The following LMAN2L variants were observed in gnomAD, a reference collection of about 807,000 sequenced individuals.
The protein encoded by LMAN2L is VIP36-like protein.
In LMAN2L, 30 loss-of-function variants were observed where a neutral mutation model predicts 44.3. The observed-to-expected ratio is 0.68, with a 90% CI of 0.51 to 0.92. The LOEUF (loss-of-function observed/expected upper bound fraction) is 0.92, where lower values mean the gene tolerates loss of function less well. Ranked by LOEUF, LMAN2L falls within the 40% of genes least tolerant of loss-of-function variation. The probability of loss-of-function intolerance (pLI) is 0.00; values close to 1 mark genes in which losing one functional copy is unlikely to be tolerated. For missense variants in LMAN2L, 429 were observed against 446.1 expected, an observed-to-expected ratio of 0.96 and a Z score of 0.35; for synonymous variants, 183 against 171.1, an observed-to-expected ratio of 1.07 and a Z score of -0.54.
At chr2:96,711,424 C>CAA (rs993777335) in intron 6 of LMAN2L, among the ~76,000 whole-genome samples, 1 of 152,334 alleles carries the variant, frequency 6.6e-6, no homozygotes, top group Middle Eastern at 3.4e-3. Flanking sequence ...AATGAAGGGA[C>CAA]AAACACTGCT....
rs1186258831 is a variant in LMAN2L at position 96,706,322 on chromosome 2, CG to C, written c.*933del. 3.3e-5 allele frequency: 5 copies of C among 152,224 alleles called. No homozygotes were observed. Among genetic ancestry groups the C allele is most frequent in the Non-Finnish European group, 7.3e-5 (5 of 68,040 alleles). The allele number at this position is 152,224 out of a possible 1,614,324, so 9.4% of individuals were successfully genotyped here. ...GCACTCAAAGTGGGATTCCAAAAAT[CG>C]TAACTACAAAACATGCAGCTAAGCA... On this transcript the variant is annotated 3_prime_UTR_variant, in exon 8 of 8. Transcript: ENST00000264963.
intron 6 of LMAN2L, among the ~76,000 whole-genome samples, chr2:96,708,163 G>C (rs1325265086): frequency 1.3e-5 from 2 of 152,222 alleles, no homozygotes; most frequent in Non-Finnish European, 2.9e-5. Context: ...TTTGAGTTTT[G>C]ATCTTTTCCC....
intron 4 of LMAN2L, among the ~76,000 whole-genome samples, chr2:96,720,829 C>T (rs1351540425): frequency 1.3e-5 from 2 of 152,038 alleles, no homozygotes; most frequent in African/African-American, 4.8e-5. Context: ...ATCCCAGCTA[C>T]TCGGAATGCT....
At chr2:96,721,152 C>A (rs1480159764) in intron 4 of LMAN2L, among the ~76,000 whole-genome samples, 1 of 152,066 alleles carries the variant, frequency 6.6e-6, no homozygotes, top group South Asian at 2.1e-4. Context: ...TTACCCCAGC[C>A]CTAGACAACC....
chr2:96,731,816 C>T (rs1373775488), intron 4 of LMAN2L, among the ~76,000 whole-genome samples: 2 of 151,512 alleles, frequency 1.3e-5, no homozygotes, highest in African/African-American at 4.9e-5. Context: ...GTGGTGTGAT[C>T]TCAGCTCACT....
At chr2:96,712,418 A>G (rs2077946416) in intron 4 of LMAN2L, among the ~76,000 whole-genome samples, 2 of 152,246 alleles carry the variant, frequency 1.3e-5, no homozygotes, top group African/African-American at 4.8e-5. Flanking sequence ...TCTTGAAGAA[A>G]AAATTCATTC....
intron 6 of LMAN2L, 41 bp from the exon 7 acceptor site, chr2:96,707,874 A>G: frequency 1.2e-6 from 2 of 1,605,840 alleles, no homozygotes; most frequent in Non-Finnish European, 1.7e-6. Flanking sequence ...GCCACTTGAA[A>G]AAGAGGTATG....
chr2:96,714,420 C>T (rs947997720), intron 4 of LMAN2L, among the ~76,000 whole-genome samples: 1 of 152,236 alleles, frequency 6.6e-6, no homozygotes, highest in Non-Finnish European at 1.5e-5. Context: ...CCTCTTAACA[C>T]CACTGGCAGA....
chr2:96,722,371 G>C (rs550359189), intron 4 of LMAN2L, among the ~76,000 whole-genome samples: 1 of 151,736 alleles, frequency 6.6e-6, no homozygotes, highest in East Asian at 1.9e-4. Context: ...TTGTTTTCCT[G>C]CAACTAGATA....
At chr2:96,722,479 G>C (rs546597309) in intron 4 of LMAN2L, among the ~76,000 whole-genome samples, 3 of 151,902 alleles carry the variant, frequency 2.0e-5, no homozygotes, top group South Asian at 4.2e-4. Flanking sequence ...TTCATAAGAG[G>C]GCTCCTGCTC....
chr2:96,721,522 T>G (rs1208850750), intron 4 of LMAN2L, among the ~76,000 whole-genome samples: 1 of 151,842 alleles, frequency 6.6e-6, no homozygotes, highest in Non-Finnish European at 1.5e-5. Context: ...GTTTTTTTTT[T>G]GAGACAGTCT....
intron 6 of LMAN2L, among the ~76,000 whole-genome samples, chr2:96,709,768 A>C (rs1276405917): frequency 2.0e-5 from 3 of 152,266 alleles, no homozygotes; most frequent in African/African-American, 7.2e-5. Context: ...GGATGGCAAC[A>C]AGAAAGACCT....
intron 4 of LMAN2L, among the ~76,000 whole-genome samples, chr2:96,727,711 A>G (rs2078299108): frequency 6.6e-6 from 1 of 152,184 alleles, no homozygotes; most frequent in African/African-American, 2.4e-5. Flanking sequence ...TGTTTTTACC[A>G]CTGTCTTGAG....
At chr2:96,730,154 T>A (rs2078362608) in intron 4 of LMAN2L, among the ~76,000 whole-genome samples, 1 of 152,142 alleles carries the variant, frequency 6.6e-6, no homozygotes, top group African/African-American at 2.4e-5. Context: ...ATTACTACTA[T>A]CTCATGGTGA....
chr2:96,732,791 CTTTT>C (rs567344079), intron 4 of LMAN2L, among the ~76,000 whole-genome samples: 1 of 141,894 alleles, frequency 7.0e-6, no homozygotes, highest in Non-Finnish European at 1.5e-5. Context: ...TTCTTTCTTT[CTTTT>C]TTTTTTTTTT....
chr2:96,723,048 T>C (rs2078192973), intron 4 of LMAN2L, among the ~76,000 whole-genome samples: 1 of 152,016 alleles, frequency 6.6e-6, no homozygotes, highest in Admixed American at 6.6e-5. Flanking sequence ...TGTAGATGTT[T>C]TCATTTCTCT....
At chr2:96,723,252 G>A (rs1489542206) in intron 4 of LMAN2L, among the ~76,000 whole-genome samples, 1 of 152,188 alleles carries the variant, frequency 6.6e-6, no homozygotes, top group Non-Finnish European at 1.5e-5. Flanking sequence ...CGGGTGTAAA[G>A]TAGTGTCTTA....
chr2:96,725,126 C>T (rs1224986342), intron 4 of LMAN2L, among the ~76,000 whole-genome samples: 3 of 151,952 alleles, frequency 2.0e-5, no homozygotes, highest in Non-Finnish European at 4.4e-5. Flanking sequence ...CCACAGCGCC[C>T]GGCCTATATT....
rs566257851 is a variant in LMAN2L at position 96,722,910 on chromosome 2, C to T, written c.507+10609G>A. On this transcript the variant is annotated intron_variant, in intron 4 of 7. Transcript: ENST00000264963. ...TGGCAGGCGCCTGTAATCCCAGCTG[C>T]TTGGAAGTCTGAAGCAGGGGAATCA... is the stretch of plus-strand genomic sequence containing the variant. Among the ~76,000 whole-genome samples the T allele has an allele frequency of 2.6e-5, 4 of 152,124 alleles. No homozygotes were observed. In the South Asian group the frequency reaches 8.3e-4, roughly 32 times the overall value.
Sources: gnomAD v4.1 joint callset for allele counts (sites outside exome capture counted in the v4.1 genomes callset) on GRCh38, gnomAD v4.1.1 for gene constraint, MANE v1.5 for transcripts, NCBI Gene and HGNC (gene_info 2026-07-23, HGNC 2026-07-21) for gene names.